The following SPECC1L variants were observed in gnomAD, a reference collection of about 807,000 sequenced individuals.
SPECC1L encodes the protein cytospin-A.
SPECC1L carries 40 observed loss-of-function variants against 116.8 expected under a neutral mutation model. The ratio of observed to expected loss-of-function variants is 0.34; its 90% CI spans 0.27 to 0.45. The LOEUF is 0.45. Ranked by LOEUF, SPECC1L falls within the 20% of genes least tolerant of loss-of-function variation. SPECC1L has a pLI of 1.00. For synonymous variants in SPECC1L, 504 were observed against 500.6 expected (o/e 1.01, Z -0.09); for missense variants, 1,110 against 1,373.6 (o/e 0.81, Z 3.03).
chr22:24,309,566 A>G (rs1486812176), intron 3 of SPECC1L, among the ~76,000 whole-genome samples: 1 of 152,020 alleles, frequency 6.6e-6, no homozygotes, highest in Non-Finnish European at 1.5e-5. Flanking sequence ...ACACCCAGCT[A>G]ATTTTTGTAT....
At chr22:24,303,951 C>G (rs1410742054) in intron 3 of SPECC1L, among the ~76,000 whole-genome samples, 1 of 150,830 alleles carries the variant, frequency 6.6e-6, no homozygotes, top group Non-Finnish European at 1.5e-5. Context: ...GAGCAATTGC[C>G]TTCACTTAAG....
chr22:24,344,024 A>C (rs1050443572), intron 10 of SPECC1L, among the ~76,000 whole-genome samples: 9 of 152,192 alleles, frequency 5.9e-5, no homozygotes, highest in Admixed American at 2.0e-4. Context: ...TAGTGAATTG[A>C]ATCAATCCTT....
intron 14 of SPECC1L, among the ~76,000 whole-genome samples, chr22:24,385,197 A>T (rs1293613152): frequency 6.6e-6 from 1 of 152,054 alleles, no homozygotes; most frequent in East Asian, 1.9e-4. Context: ...CAGTGTGGCT[A>T]TAATATTTAA....
At chr22:24,288,031 G>A (rs1601498860) in intron 2 of SPECC1L, among the ~76,000 whole-genome samples, 1 of 152,212 alleles carries the variant, frequency 6.6e-6, no homozygotes, top group East Asian at 1.9e-4. Flanking sequence ...ATCCTTTCCT[G>A]GGGAATATGG....
intron 2 of SPECC1L, among the ~76,000 whole-genome samples, chr22:24,292,888 T>C (rs538656860): frequency 2.6e-5 from 4 of 152,332 alleles, no homozygotes; most frequent in South Asian, 4.1e-4. Context: ...AAAAGTATCC[T>C]AAAGGCTGGA....
chr22:24,401,375 C>T (rs2042470431), intron 14 of SPECC1L, among the ~76,000 whole-genome samples: 1 of 152,176 alleles, frequency 6.6e-6, no homozygotes, highest in Non-Finnish European at 1.5e-5. Flanking sequence ...GATTCCAGTT[C>T]ATGTTTTTGG....
intron 14 of SPECC1L, among the ~76,000 whole-genome samples, chr22:24,375,268 A>T (rs994271705): frequency 6.6e-6 from 1 of 152,204 alleles, no homozygotes; most frequent in East Asian, 1.9e-4. Context: ...ATTAATAGCA[A>T]TACTTCTCAA....
Position 24,338,373 on chromosome 22 carries a change from G to T in SPECC1L, c.2561-13G>T. The T allele has an allele frequency of 1.9e-6, 3 of 1,613,368 alleles. No homozygotes were observed. The Admixed American group carries it at 5.0e-5, about 27-fold the overall frequency. The stretch of plus-strand genomic sequence containing the variant: ...AGTGACATTATTTCCCTTTTTGTTT[G>T]TTGTTTTTGTAGTACCAAACCCTGC... On this transcript the variant is annotated splice_polypyrimidine_tract_variant and intron_variant, in intron 9 of 16. Coordinates refer to ENST00000314328, the MANE Select transcript of SPECC1L (RefSeq NM_015330.6).
intron 2 of SPECC1L, among the ~76,000 whole-genome samples, chr22:24,294,871 A>T (rs1321559332): frequency 7.1e-6 from 1 of 139,910 alleles, no homozygotes; most frequent in African/African-American, 2.6e-5. Context: ...CTACAAGAAT[A>T]TTTTTTTGTC....
At chr22:24,371,189 C>G (rs1371790453) in intron 14 of SPECC1L, among the ~76,000 whole-genome samples, 2 of 152,146 alleles carry the variant, frequency 1.3e-5, no homozygotes, top group East Asian at 3.9e-4. Context: ...TGTATACCAA[C>G]CAGACCTAAA....
At position 24,332,474 on chromosome 22, in the gene SPECC1L, T is replaced by G. The variant is rs182159784; in HGVS notation, c.2397-1936T>G. ...TTCAGATTCCACATTGGAGCTAACTTTTAAGTTACTACTTGTTGCATTTTA... is the reference window on the plus strand; with the variant it reads ...TTCAGATTCCACATTGGAGCTAACTGTTAAGTTACTACTTGTTGCATTTTA... On this transcript the variant is annotated intron_variant, in intron 8 of 16. Coordinates refer to ENST00000314328, the MANE Select transcript of SPECC1L (RefSeq NM_015330.6). 3.3e-5 allele frequency among the ~76,000 whole-genome samples: 5 copies of G among 152,358 alleles called. No individual in the cohort carries two copies. The East Asian group carries it at 7.7e-4, about 23-fold the overall frequency.
chr22:24,352,369 C>T (rs2041443118), intron 11 of SPECC1L, among the ~76,000 whole-genome samples: 1 of 152,198 alleles, frequency 6.6e-6, no homozygotes, highest in African/African-American at 2.4e-5. Context: ...TGCCCAGTGT[C>T]AGTGTGACCC....
At chr22:24,320,372 A>C (rs1023645539) in intron 4 of SPECC1L, among the ~76,000 whole-genome samples, 2 of 152,230 alleles carry the variant, frequency 1.3e-5, no homozygotes, top group Non-Finnish European at 2.9e-5. Context: ...AAATTTTAGT[A>C]GTTAAGTAAT....
At chr22:24,365,359 A>G in intron 12 of SPECC1L, 117 bp from the exon 13 acceptor site, 1 of 893,042 alleles carries the variant, frequency 1.1e-6, no homozygotes, top group Non-Finnish European at 1.7e-6. Flanking sequence ...TATCAATATT[A>G]GTTTTTCCTC....
intron 11 of SPECC1L, among the ~76,000 whole-genome samples, chr22:24,348,580 C>T: frequency 6.6e-6 from 1 of 152,168 alleles, no homozygotes; most frequent in East Asian, 1.9e-4. Flanking sequence ...CTCTTTTCTC[C>T]CCTCAGAAGG....
At chr22:24,341,961 C>T (rs1259590975) in intron 10 of SPECC1L, among the ~76,000 whole-genome samples, 1 of 152,216 alleles carries the variant, frequency 6.6e-6, no homozygotes, top group Non-Finnish European at 1.5e-5. Flanking sequence ...GCCCTGCTGA[C>T]AACCTGATTG....
intron 11 of SPECC1L, among the ~76,000 whole-genome samples, chr22:24,351,829 G>A (rs1039834699): frequency 2.6e-5 from 4 of 152,198 alleles, no homozygotes; most frequent in Admixed American, 2.0e-4. Context: ...TAAAAATACA[G>A]TGTGTAATTT....
intron 8 of SPECC1L, among the ~76,000 whole-genome samples, chr22:24,330,667 A>G (rs565579111): frequency 2.6e-5 from 4 of 152,134 alleles, no homozygotes; most frequent in Non-Finnish European, 1.5e-5. Context: ...GGGAGCCAGG[A>G]TGGTCTCTCA....
intron 14 of SPECC1L, among the ~76,000 whole-genome samples, chr22:24,401,632 C>T (rs959379342): frequency 1.3e-5 from 2 of 152,210 alleles, no homozygotes; most frequent in African/African-American, 4.8e-5. Context: ...CTCAGGTTCA[C>T]GAGTGGTTTC....
Sources: allele counts gnomAD v4.1 joint callset (sites outside exome capture counted in the v4.1 genomes callset), GRCh38; gene constraint gnomAD v4.1.1; transcripts MANE v1.5; gene names NCBI Gene and HGNC (gene_info 2026-07-23, HGNC 2026-07-21).